CSMD1: variants seen among roughly 807,000 people sequenced by gnomAD.
The protein encoded by CSMD1 is CUB and Sushi multiple domains 1, also known as CUB and sushi domain-containing protein 1.
In CSMD1, 213 loss-of-function variants were observed where a neutral mutation model predicts 417.5. That is an observed-to-expected ratio of 0.51 (90% CI 0.46 to 0.57). CSMD1 has a LOEUF of 0.57. Ranked by LOEUF, CSMD1 falls within the 20% of genes least tolerant of loss-of-function variation. The probability of loss-of-function intolerance (pLI) is 0.00; values close to 1 mark genes in which losing one functional copy is unlikely to be tolerated. For synonymous variants in CSMD1, 2,862 were observed against 1,736.8 expected, an observed-to-expected ratio of 1.65 and a Z score of -16.11; for missense variants, 6,923 against 4,529.7, an observed-to-expected ratio of 1.53 and a Z score of -15.17.
intron 5 of CSMD1, among the ~76,000 whole-genome samples, chr8:3,760,002 C>G (rs761037453): frequency 6.6e-6 from 1 of 151,964 alleles, no homozygotes; most frequent in African/African-American, 2.4e-5. Context: ...ACCATTTTCT[C>G]TCCTGATGTC....
chr8:3,818,396 G>C (rs551582662), intron 5 of CSMD1, among the ~76,000 whole-genome samples: 68 of 152,292 alleles, frequency 4.5e-4, no homozygotes, highest in Middle Eastern at 6.8e-3. Context: ...AGGGAAATCT[G>C]AGTTTCAGAA....
chr8:4,222,832 G>A (rs571237706), intron 3 of CSMD1, among the ~76,000 whole-genome samples: 32 of 152,018 alleles, frequency 2.1e-4, no homozygotes, highest in Non-Finnish European at 3.7e-4. Flanking sequence ...ACTAAGAGTC[G>A]CTGAAAATAC....
At chr8:4,729,832 G>A (rs771371975) in intron 1 of CSMD1, among the ~76,000 whole-genome samples, 3 of 152,152 alleles carry the variant, frequency 2.0e-5, no homozygotes, top group Non-Finnish European at 4.4e-5. Context: ...CACAGTAAAA[G>A]CAAAGATACT....
chr8:4,959,780 G>C (rs896206885), intron 1 of CSMD1, among the ~76,000 whole-genome samples: 4 of 152,136 alleles, frequency 2.6e-5, no homozygotes, highest in Non-Finnish European at 5.9e-5. Context: ...TGTTCTGACT[G>C]TTGCTTATTT....
chr8:4,244,013 G>A (rs1802550909), intron 3 of CSMD1, among the ~76,000 whole-genome samples: 1 of 152,224 alleles, frequency 6.6e-6, no homozygotes, highest in African/African-American at 2.4e-5. Flanking sequence ...GGAGTGGGAA[G>A]CTGCATTTTA....
chr8:4,092,021 G>A (rs776627963), intron 3 of CSMD1, among the ~76,000 whole-genome samples: 1 of 152,076 alleles, frequency 6.6e-6, no homozygotes, highest in Non-Finnish European at 1.5e-5. Flanking sequence ...ATAATATTAC[G>A]TAGCACATAT....
intron 5 of CSMD1, chr8:3,950,006 C>A (rs6984912): frequency 2.2e-6 from 1 of 455,638 alleles, no homozygotes; most frequent in Non-Finnish European, 4.4e-6. Context: ...ACTACATTTG[C>A]CAGGGTCCAC....
intron 2 of CSMD1, among the ~76,000 whole-genome samples, chr8:4,451,968 A>C (rs938459799): frequency 6.7e-6 from 1 of 148,880 alleles, no homozygotes; most frequent in Non-Finnish European, 1.5e-5. Flanking sequence ...AAATATATAT[A>C]ATTTGATATA....
intron 54 of CSMD1, among the ~76,000 whole-genome samples, chr8:2,995,628 C>T (rs1178096358): frequency 6.6e-6 from 1 of 152,106 alleles, no homozygotes; most frequent in Admixed American, 6.6e-5. Context: ...TTTGTGACAG[C>T]AAAGTCTGGA....
intron 1 of CSMD1, among the ~76,000 whole-genome samples, chr8:4,918,322 T>C (rs1356051713): frequency 1.3e-5 from 2 of 152,180 alleles, no homozygotes; most frequent in Admixed American, 6.5e-5. Context: ...ACAAAGTGTA[T>C]TGCCTTCTCT....
At chr8:3,913,377 G>A (rs1009383204) in intron 5 of CSMD1, among the ~76,000 whole-genome samples, 18 of 152,158 alleles carry the variant, frequency 1.2e-4, no homozygotes, top group African/African-American at 3.9e-4. Flanking sequence ...AAGCACAAAG[G>A]GAAATGCAAC....
At chr8:4,384,783 C>T (rs1225586659) in intron 3 of CSMD1, among the ~76,000 whole-genome samples, 1 of 152,186 alleles carries the variant, frequency 6.6e-6, no homozygotes. Context: ...GGCTTCCCGA[C>T]TTCACTAATC....
chr8:4,452,056 A>T (rs1278820101), intron 2 of CSMD1, among the ~76,000 whole-genome samples: 1 of 151,886 alleles, frequency 6.6e-6, no homozygotes, highest in Non-Finnish European at 1.5e-5. Flanking sequence ...GAAGAGGAAG[A>T]TTAGGGGCCA....
intron 2 of CSMD1, among the ~76,000 whole-genome samples, chr8:4,468,742 G>C (rs1215936834): frequency 1.3e-5 from 2 of 152,060 alleles, no homozygotes; most frequent in Non-Finnish European, 2.9e-5. Flanking sequence ...GCCTACTCTG[G>C]GCTTGCTTCT....
intron 2 of CSMD1, among the ~76,000 whole-genome samples, chr8:4,605,145 G>A (rs1375941509): frequency 6.6e-6 from 1 of 152,134 alleles, no homozygotes; most frequent in Non-Finnish European, 1.5e-5. Context: ...ATGTCACCGT[G>A]TTCACAATTC....
rs370570469 is a variant in CSMD1 at position 3,646,108 on chromosome 8, C to A, written c.1010-29311G>T. Among the ~76,000 whole-genome samples, 8 of 149,826 alleles carry A rather than the reference C, an allele frequency of 5.3e-5. No individual in the cohort carries two copies. In the East Asian group the frequency reaches 1.2e-3, roughly 22 times the overall value. ...GTTACAAAATAGAAAACTCTTCAGC[C>A]GAGAAAACCTTTTGAAGAATGCTTA... On this transcript the variant is annotated intron_variant, in intron 7 of 69. Transcript: ENST00000635120.
intron 3 of CSMD1, among the ~76,000 whole-genome samples, chr8:4,368,861 A>G (rs998844500): frequency 6.6e-6 from 1 of 151,986 alleles, no homozygotes; most frequent in Non-Finnish European, 1.5e-5. Context: ...AAATTAATCT[A>G]TCTCACAGTC....
chr8:3,688,008 C>A (rs1266646580), intron 7 of CSMD1, among the ~76,000 whole-genome samples: 1 of 152,210 alleles, frequency 6.6e-6, no homozygotes, highest in African/African-American at 2.4e-5. Flanking sequence ...TCTTTTAAAT[C>A]TGCAAATTTT....
chr8:4,915,400 TAAG>T lies in CSMD1; in HGVS notation c.85+78929_85+78931del, dbSNP rs1234729089. Among the ~76,000 whole-genome samples the T allele has an allele frequency of 1.3e-4, 20 of 152,334 alleles. No individual in the cohort carries two copies. In the South Asian group the frequency reaches 3.3e-3, roughly 25 times the overall value. On this transcript the variant is annotated intron_variant, in intron 1 of 69. Transcript: ENST00000635120. ...CGTAGATTCTGATCCGTATTTTAGA[TAAG>T]AAATTGTTTACACTGTGTTGTCGAG...
Sources: gnomAD v4.1 joint callset for allele counts (sites outside exome capture counted in the v4.1 genomes callset) on GRCh38, gnomAD v4.1.1 for gene constraint, MANE v1.5 for transcripts, NCBI Gene and HGNC (gene_info 2026-07-23, HGNC 2026-07-21) for gene names.